Variants in CNTN4 observed in about 807,000 individuals in gnomAD.
CNTN4 encodes the protein contactin 4.
In CNTN4, 77 loss-of-function variants were observed where a neutral mutation model predicts 122.5. The observed-to-expected ratio is 0.63, with a 90% confidence interval of 0.52 to 0.76. CNTN4 has a LOEUF of 0.76. CNTN4 is among the 30% of genes least tolerant of loss of function. CNTN4 has a pLI of 0.00. For missense variants in CNTN4, 1,256 were observed against 1,259.1 expected (o/e 1.00, Z 0.04); for synonymous variants, 512 against 447.0 (o/e 1.15, Z -1.83).
chr3:2,272,191 A>G (rs1362052200), intron 2 of CNTN4, among the ~76,000 whole-genome samples: 2 of 152,102 alleles, frequency 1.3e-5, no homozygotes. Flanking sequence ...TATAACAGTA[A>G]TACAGCTTAC....
At chr3:2,148,704 A>C (rs1212129009) in intron 2 of CNTN4, among the ~76,000 whole-genome samples, 1 of 152,170 alleles carries the variant, frequency 6.6e-6, no homozygotes, top group Non-Finnish European at 1.5e-5. Context: ...TCAGATGACG[A>C]AATTAAATGA....
rs532245512 is a variant in CNTN4, at chr3:2,591,611, G to A, written c.55+20053G>A. On this transcript the variant is annotated intron_variant, in intron 4 of 24. Coordinates refer to ENST00000418658, the MANE Select transcript of CNTN4 (RefSeq NM_175607.3). ...GATCTCCTGACCTCGTGATCCGCCC[G>A]CCTCGGCCTCCCAAAGTGCTGGGAT... Among the ~76,000 whole-genome samples, 7 of 51,622 alleles carry A rather than the reference G, an allele frequency of 1.4e-4. 1 individual carries two copies. Among genetic ancestry groups the A allele is most frequent in the Admixed American group, 9.0e-4 (6 of 6,656 alleles). The allele number at this position is 51,622 out of a possible 152,430, so 33.9% of individuals were successfully genotyped here. A position where few individuals can be genotyped will look rare whatever the true frequency, so the allele number is the denominator to read the frequency against.
rs149740487 is a variant in CNTN4 at position 2,245,478 on chromosome 3, T to C, written c.-144-93700T>C. Among the ~76,000 whole-genome samples, 921 of 152,158 alleles carry C rather than the reference T, an allele frequency of 6.1e-3. 13 individuals are homozygous for C. The highest frequency in any genetic ancestry group is 0.021 in the African/African-American group (870 of 41,532). On this transcript the variant is annotated intron_variant, in intron 2 of 24. Coordinates refer to ENST00000418658, the MANE Select transcript of CNTN4 (RefSeq NM_175607.3). Reference sequence around the variant, plus strand: ...TTCAGAAAAAGGCAATGACAGTGTGTACACTGACCCAGAGGGTGATTGTCC... The same window carrying C: ...TTCAGAAAAAGGCAATGACAGTGTGCACACTGACCCAGAGGGTGATTGTCC...
chr3:2,520,873 T>C (rs2077187905), intron 3 of CNTN4, among the ~76,000 whole-genome samples: 1 of 152,138 alleles, frequency 6.6e-6, no homozygotes, highest in Admixed American at 6.6e-5. Flanking sequence ...TATTAATTCA[T>C]TTAACTTATT....
At chr3:2,512,130 G>T (rs1246922351) in intron 3 of CNTN4, among the ~76,000 whole-genome samples, 2 of 152,032 alleles carry the variant, frequency 1.3e-5, no homozygotes, top group Admixed American at 6.6e-5. Context: ...AGTTTATTTT[G>T]CTGTTCTCTG....
At chr3:2,822,099 G>A (rs2092888815) in intron 7 of CNTN4, among the ~76,000 whole-genome samples, 1 of 152,184 alleles carries the variant, frequency 6.6e-6, no homozygotes, top group Non-Finnish European at 1.5e-5. Flanking sequence ...GGAATTGTTA[G>A]GATTTCTGGT....
chr3:2,256,773 C>T lies in CNTN4; in HGVS notation c.-144-82405C>T, dbSNP rs192949307. On this transcript the variant is annotated intron_variant, in intron 2 of 24. Transcript: ENST00000418658. ...CTTCAAGGAGAACTACAAACCACTG[C>T]TCAAGGAAATAACAGAGGACACAAA... 1.7e-3 allele frequency among the ~76,000 whole-genome samples: 255 copies of T among 152,250 alleles called. 3 individuals carry two copies. Among genetic ancestry groups the T allele is most frequent in the African/African-American group, 5.8e-3 (240 of 41,546 alleles).
chr3:2,788,601 T>G (rs2091912864), intron 6 of CNTN4, among the ~76,000 whole-genome samples: 1 of 152,238 alleles, frequency 6.6e-6, no homozygotes, highest in African/African-American at 2.4e-5. Context: ...TATACTGTCT[T>G]GTTAAATTCT....
Position 2,793,136 on chromosome 3 carries a change from C to T in CNTN4, c.359-26350C>T, listed in dbSNP as rs552845453. 7.9e-5 allele frequency among the ~76,000 whole-genome samples: 12 copies of T among 152,182 alleles called. No individual in the cohort carries two copies. The East Asian group carries it at 2.3e-3, about 30-fold the overall frequency. On this transcript the variant is annotated intron_variant, in intron 6 of 24. Transcript: ENST00000418658. ...ATGCTCAAAACAGGAAGACAGAGTT[C>T]AAATGAAAACAAATTCACAATTAGC...
At chr3:2,386,888 G>C (rs752141420) in intron 3 of CNTN4, among the ~76,000 whole-genome samples, 6 of 152,174 alleles carry the variant, frequency 3.9e-5, no homozygotes, top group Non-Finnish European at 5.9e-5. Flanking sequence ...AGATGTAGCT[G>C]CAACTAAGCG....
intron 2 of CNTN4, among the ~76,000 whole-genome samples, chr3:2,190,543 G>A (rs1330430165): frequency 6.6e-6 from 1 of 150,918 alleles, no homozygotes; most frequent in Non-Finnish European, 1.5e-5. Context: ...ACTTCCTTTA[G>A]AACTGGGTAC....
rs1230884315 is a variant in CNTN4, at chr3:2,385,276, A to G, written c.-89+46043A>G. Among the ~76,000 whole-genome samples, 2 of 152,026 alleles carry G rather than the reference A, an allele frequency of 1.3e-5. No individual in the cohort carries two copies. The highest frequency in any genetic ancestry group is 3.8e-4 in the East Asian group (2 of 5,196). ...TTATTTCTACACTTTTTATTTCTAC[A>G]GTAATATCAAATCACTTAAAACTCT... On this transcript the variant is annotated intron_variant, in intron 3 of 24. Coordinates refer to ENST00000418658, the MANE Select transcript of CNTN4 (RefSeq NM_175607.3). This position sits in a 1 kb window ranked among gnomAD's most constrained non-coding sequence, Gnocchi z 4.0.
intron 3 of CNTN4, among the ~76,000 whole-genome samples, chr3:2,393,599 G>A (rs2046525639): frequency 6.6e-6 from 1 of 152,084 alleles, no homozygotes; most frequent in African/African-American, 2.4e-5. Flanking sequence ...CTAACAATGT[G>A]TGAGATTATA....
At chr3:2,961,808 A>T (rs528741148) in intron 13 of CNTN4, among the ~76,000 whole-genome samples, 2 of 152,328 alleles carry the variant, frequency 1.3e-5, no homozygotes, top group South Asian at 4.1e-4. Context: ...GGCGAAAACA[A>T]AGCCATCCAT....
At position 2,521,786 on chromosome 3, in the gene CNTN4, G is replaced by A. The variant is rs188047386; in HGVS notation, c.-88-49630G>A. ...CTCAGAAGCTTACCTAAGTTTTGAA[G>A]TAGCCAGCTAGAAGGAGTTACAGAG... On this transcript the variant is annotated intron_variant, in intron 3 of 24. Coordinates refer to ENST00000418658, the MANE Select transcript of CNTN4 (RefSeq NM_175607.3). Among the ~76,000 whole-genome samples, 143 of 152,190 alleles carry A rather than the reference G, an allele frequency of 9.4e-4. 1 individual carries two copies. The highest frequency in any genetic ancestry group is 3.4e-3 in the African/African-American group (140 of 41,530).
intron 16 of CNTN4, among the ~76,000 whole-genome samples, chr3:3,032,331 A>C (rs1699237827): frequency 6.6e-6 from 1 of 152,252 alleles, no homozygotes; most frequent in African/African-American, 2.4e-5. Context: ...AAACACCAAT[A>C]AATTAGACTA....
At chr3:2,933,401 G>C (rs191086881) in intron 13 of CNTN4, among the ~76,000 whole-genome samples, 1 of 152,132 alleles carries the variant, frequency 6.6e-6, no homozygotes, top group African/African-American at 2.4e-5. Flanking sequence ...TGTGACGCAG[G>C]CCATCTGGGG....
intron 3 of CNTN4, among the ~76,000 whole-genome samples, chr3:2,368,555 A>G (rs1404925297): frequency 6.6e-6 from 1 of 152,180 alleles, no homozygotes; most frequent in Non-Finnish European, 1.5e-5. Context: ...TACTAATTCC[A>G]AAGCATTTCT....
intron 14 of CNTN4, among the ~76,000 whole-genome samples, chr3:3,006,943 C>T (rs955432427): frequency 1.3e-5 from 2 of 152,106 alleles, no homozygotes; most frequent in African/African-American, 4.8e-5. Context: ...GCTACCTCCC[C>T]GCGCCATCAA....
Sources: gnomAD v4.1 joint callset for allele counts (sites outside exome capture counted in the v4.1 genomes callset) on GRCh38, gnomAD v4.1.1 for gene constraint, Gnocchi (gnomAD v3.1) non-coding constraint, MANE v1.5 for transcripts, NCBI Gene and HGNC (gene_info 2026-07-23, HGNC 2026-07-21) for gene names.